SRGAP2C: variants seen among roughly 807,000 people sequenced by gnomAD.
SRGAP2C encodes the protein SLIT-ROBO Rho GTPase activating protein 2C.
A neutral mutation model predicts 25.1 loss-of-function variants in SRGAP2C; 15 were observed. The ratio of observed to expected loss-of-function variants is 0.60; its 90% CI spans 0.40 to 0.92. SRGAP2C has a LOEUF of 0.92. Ranked by LOEUF, SRGAP2C falls within the 40% of genes least tolerant of loss-of-function variation. The pLI is 0.00. For missense variants in SRGAP2C, 144 were observed against 264.4 expected (o/e 0.54, Z 3.16); for synonymous variants, 44 against 96.6 (o/e 0.46, Z 3.19).
intron 7 of SRGAP2C, among the ~76,000 whole-genome samples, chr1:121,379,310 A>T (rs1337893897): frequency 6.6e-6 from 1 of 151,594 alleles, no homozygotes; most frequent in African/African-American, 2.4e-5. Context: ...AACTCAAGTC[A>T]TCATACATCT....
intron 2 of SRGAP2C, among the ~76,000 whole-genome samples, chr1:121,222,534 C>T (rs1338729859): frequency 6.6e-6 from 1 of 152,092 alleles, no homozygotes; most frequent in Non-Finnish European, 1.5e-5. Flanking sequence ...GAGGCTGAGG[C>T]AGGAGGATCA....
chr1:121,360,762 C>A (rs1456731694), intron 4 of SRGAP2C: 8 of 122,434 alleles, frequency 6.5e-5, no homozygotes, highest in Non-Finnish European at 1.4e-4. Context: ...AAACCACCAC[C>A]TTATGTATGG....
In SRGAP2C at chr1:121,285,402, TCTCA is replaced by T. The variant is rs1443739550; in HGVS notation, c.260+409_260+412del. On this transcript the variant is annotated intron_variant, in intron 3 of 9. Coordinates refer to ENST00000367123, the MANE Select transcript of SRGAP2C (RefSeq NM_001329984.2). ...CTATCTTAATCTCTGTCTCTCTCTCTCTCACACACACACACACACACACTCACAC... is the reference window on the plus strand; with the variant it reads ...CTATCTTAATCTCTGTCTCTCTCTCTCACACACACACACACACACTCACAC... Among the ~76,000 whole-genome samples, 22 of 128,320 alleles carry T rather than the reference TCTCA, an allele frequency of 1.7e-4. 1 individual carries two copies. The highest frequency in any genetic ancestry group is 5.1e-4 in the African/African-American group (18 of 35,522). The allele number at this position is 128,320 out of a possible 152,430, so 84.2% of individuals were successfully genotyped here.
chr1:121,223,351 T>TTGTGTG (rs56123915), intron 2 of SRGAP2C, among the ~76,000 whole-genome samples: 2,153 of 64,846 alleles, frequency 0.033, 157 homozygotes, highest in East Asian at 0.15. Flanking sequence ...TGGGAGGAGT[T>TTGTGTG]TGTGTGTGTG....
intron 3 of SRGAP2C, among the ~76,000 whole-genome samples, chr1:121,289,290 C>T (rs1156975785): frequency 4.2e-5 from 6 of 144,320 alleles, no homozygotes; most frequent in South Asian, 2.2e-4. Flanking sequence ...TCGAGCACAG[C>T]GCCGATGGTC....
intron 2 of SRGAP2C, among the ~76,000 whole-genome samples, chr1:121,269,670 CT>C (rs1340863841): frequency 4.0e-5 from 6 of 151,328 alleles, no homozygotes; most frequent in African/African-American, 1.5e-4. Flanking sequence ...AACTGCATTT[CT>C]TTTTACTTGA....
chr1:121,360,158 G>A (rs1160696222), intron 4 of SRGAP2C: 3 of 150,436 alleles, frequency 2.0e-5, no homozygotes, highest in South Asian at 2.1e-4. Flanking sequence ...AACCAACTCC[G>A]GACACATAAG....
rs1234635011 is a variant in SRGAP2C at position 121,335,573 on chromosome 1, C to A, written c.423+10933C>A. ...GACTCCTGGGCTCAAGTGATCCTCC[C>A]ACCTCAGCTTCTCATGTGTCTGATA... On this transcript the variant is annotated intron_variant, in intron 4 of 9. Transcript: ENST00000367123. 3.6e-5 allele frequency among the ~76,000 whole-genome samples: 5 copies of A among 139,546 alleles called. No individual in the cohort carries two copies. In the Admixed American group the frequency reaches 3.6e-4, roughly 10 times the overall value. The allele number at this position is 139,546 out of a possible 152,430, so 91.5% of individuals were successfully genotyped here.
intron 2 of SRGAP2C, among the ~76,000 whole-genome samples, chr1:121,255,274 G>A (rs1333439746): frequency 1.7e-4 from 25 of 151,054 alleles, no homozygotes; most frequent in African/African-American, 4.1e-4. Context: ...GTAAAAATCC[G>A]TCTGTGGGTG....
chr1:121,235,174 C>T (rs1383152207), intron 2 of SRGAP2C, among the ~76,000 whole-genome samples: 2 of 143,000 alleles, frequency 1.4e-5, no homozygotes, highest in African/African-American at 2.7e-5. Flanking sequence ...ACTACAGGCG[C>T]CCGCCACCAG....
At chr1:121,228,673 T>C (rs1410737285) in intron 2 of SRGAP2C, among the ~76,000 whole-genome samples, 5 of 152,044 alleles carry the variant, frequency 3.3e-5, no homozygotes, top group African/African-American at 1.2e-4. Flanking sequence ...TCTCTTCTAA[T>C]AGATGGGCAA....
Position 121,271,033 on chromosome 1 carries a change from G to A in SRGAP2C, c.68-13770G>A, listed in dbSNP as rs587712843. Among the ~76,000 whole-genome samples the A allele has an allele frequency of 4.6e-5, 7 of 151,524 alleles. No individual in the cohort carries two copies. The South Asian group carries it at 1.0e-3, about 23-fold the overall frequency. On this transcript the variant is annotated intron_variant, in intron 2 of 9. Coordinates refer to ENST00000367123, the MANE Select transcript of SRGAP2C (RefSeq NM_001329984.2). ...AGGATGGTCTCGATCTCCTGACCTC[G>A]TGGTCTGCCTGCATTGGCCTCCCAA...
Position 121,289,249 on chromosome 1 carries a change from C to T in SRGAP2C, c.260+4254C>T, listed in dbSNP as rs1437805740. Among the ~76,000 whole-genome samples the T allele has an allele frequency of 3.4e-3, 507 of 149,900 alleles. 5 individuals carry two copies. Among genetic ancestry groups the T allele is most frequent in the African/African-American group, 0.012 (489 of 40,720 alleles). Reference sequence around the variant, plus strand: ...GGGCTGCAGGTCCTGAGCCCTGCCCCGCGGGAAGGCAGCTAAGGCCCAGCG... The same window carrying T: ...GGGCTGCAGGTCCTGAGCCCTGCCCTGCGGGAAGGCAGCTAAGGCCCAGCG... On this transcript the variant is annotated intron_variant, in intron 3 of 9. Transcript: ENST00000367123.
chr1:121,263,018 AT>A lies in SRGAP2C; in HGVS notation c.68-21778del, dbSNP rs71241231. Among the ~76,000 whole-genome samples the A allele has an allele frequency of 1.1e-4, 16 of 151,994 alleles. No individual in the cohort carries two copies. In the Middle Eastern group the frequency reaches 0.014, roughly 129 times the overall value. On this transcript the variant is annotated intron_variant, in intron 2 of 9. Transcript: ENST00000367123. ...GAGACCTGTAAAATAATTTAAAACC[AT>A]TTTTTTATCATATCTTTAAAAAATA...
chr1:121,279,514 T>C (rs1449412869), intron 2 of SRGAP2C, among the ~76,000 whole-genome samples: 1 of 151,620 alleles, frequency 6.6e-6, no homozygotes, highest in Non-Finnish European at 1.5e-5. Flanking sequence ...GCCCTGCCTG[T>C]TTTTGTTAAA....
intron 2 of SRGAP2C, among the ~76,000 whole-genome samples, chr1:121,212,490 G>A (rs1159084962): frequency 6.6e-6 from 1 of 151,674 alleles, no homozygotes; most frequent in Non-Finnish European, 1.5e-5. Context: ...AGTGGCAGTG[G>A]CAGTATTGTA....
At chr1:121,266,446 T>C (rs1656783439) in intron 2 of SRGAP2C, among the ~76,000 whole-genome samples, 1 of 151,952 alleles carries the variant, frequency 6.6e-6, no homozygotes, top group Admixed American at 6.6e-5. Context: ...CCCCTAATCA[T>C]TGTGCATACT....
chr1:121,293,025 G>T (rs1414925163), intron 3 of SRGAP2C, among the ~76,000 whole-genome samples: 6 of 92,834 alleles, frequency 6.5e-5, no homozygotes, highest in African/African-American at 2.9e-4. Flanking sequence ...GGACTGGAGA[G>T]GGCTTTAGGG....
chr1:121,334,530 C>T (rs1553342284), intron 4 of SRGAP2C, among the ~76,000 whole-genome samples: 2 of 142,312 alleles, frequency 1.4e-5, no homozygotes, highest in Non-Finnish European at 3.1e-5. Flanking sequence ...TGCATGATTA[C>T]AGCTCACTGT....
Sources: gnomAD v4.1 joint callset for allele counts (sites outside exome capture counted in the v4.1 genomes callset) on GRCh38, gnomAD v4.1.1 for gene constraint, MANE v1.5 for transcripts, NCBI Gene and HGNC (gene_info 2026-07-23, HGNC 2026-07-21) for gene names.